The following NAALAD2 variants were observed in gnomAD, a reference collection of about 807,000 sequenced individuals.
The protein encoded by NAALAD2 is N-acetylated alpha-linked acidic dipeptidase 2.
NAALAD2 carries 89 observed loss-of-function variants against 95.6 expected under a neutral mutation model. That is an observed-to-expected ratio of 0.93 (90% CI 0.78 to 1.11). NAALAD2 has a LOEUF of 1.11. NAALAD2 is among the 50% of genes least tolerant of loss of function. The pLI, the probability that NAALAD2 is intolerant of heterozygous loss-of-function variation, is 0.00. For missense variants in NAALAD2, 894 were observed against 872.4 expected (o/e 1.02, Z -0.31); for synonymous variants, 264 against 294.4 (o/e 0.90, Z 1.06).
chr11:90,177,907 G>A lies in NAALAD2; in HGVS notation c.1648G>A (p.Glu550Lys), dbSNP rs769843479. The change falls in exon 16 of 19, where the codon GAA becomes AAA. Residue 550 changes from glutamate (E) to lysine (K), a missense_variant. Physicochemically the swap from Glu to Lys is moderately conservative, Grantham distance 56. Coordinates refer to ENST00000534061, the MANE Select transcript of NAALAD2 (RefSeq NM_005467.4). ...GTACCACACAATTTATGAGACATTT[G>A]AATTGGTAGAGAAATTTTATGACCC... is the stretch of plus-strand genomic sequence containing the variant. ...PVYHTIYETFELVEKFYDPTF... is the reference protein window; with the variant it reads ...PVYHTIYETFKLVEKFYDPTF... The A allele has an allele frequency of 5.6e-6, 9 of 1,613,332 alleles. No individual in the cohort carries two copies. The East Asian group carries it at 2.0e-4, about 36-fold the overall frequency.
chr11:90,159,593 C>T (rs995421702), intron 8 of NAALAD2, among the ~76,000 whole-genome samples: 2 of 152,188 alleles, frequency 1.3e-5, no homozygotes, highest in Admixed American at 6.5e-5. Context: ...TTTCAAAATT[C>T]TCTCTTCAGC....
At chr11:90,165,252 G>A (rs529254337) in intron 11 of NAALAD2, among the ~76,000 whole-genome samples, 1 of 152,172 alleles carries the variant, frequency 6.6e-6, no homozygotes, top group African/African-American at 2.4e-5. Flanking sequence ...TCATGTCTTT[G>A]CTATTATGAA....
chr11:90,171,347 A>G (rs1263705413), intron 13 of NAALAD2, among the ~76,000 whole-genome samples: 1 of 152,178 alleles, frequency 6.6e-6, no homozygotes, highest in Non-Finnish European at 1.5e-5. Context: ...CTAGTTTTCC[A>G]AATGAAACTC....
intron 15 of NAALAD2, among the ~76,000 whole-genome samples, chr11:90,177,257 G>A (rs1027001071): frequency 4.6e-5 from 7 of 151,646 alleles, no homozygotes; most frequent in Non-Finnish European, 2.9e-5. Context: ...GTTTGAGAAG[G>A]AAGGGAAGTT....
chr11:90,140,287 G>A (rs34926828), intron 2 of NAALAD2, among the ~76,000 whole-genome samples: 10 of 151,984 alleles, frequency 6.6e-5, no homozygotes, highest in Non-Finnish European at 1.2e-4. Context: ...GTATCTTTAT[G>A]TTTGTTTACA....
chr11:90,187,396 C>T (rs1231184156), intron 18 of NAALAD2, among the ~76,000 whole-genome samples: 1 of 152,114 alleles, frequency 6.6e-6, no homozygotes. Flanking sequence ...GAACTATTAG[C>T]TGAATGTTAA....
chr11:90,172,701 T>C (rs1353492878), intron 13 of NAALAD2, among the ~76,000 whole-genome samples: 1 of 152,192 alleles, frequency 6.6e-6, no homozygotes, highest in Admixed American at 6.5e-5. Flanking sequence ...TTAGATTTCA[T>C]TGTGAGGTCC....
In NAALAD2 at chr11:90,158,208, T is replaced by C. The variant is rs1952180409; in HGVS notation, c.860T>C (p.Ile287Thr). 1 of 1,609,962 alleles carries C rather than the reference T, an allele frequency of 6.2e-7. No individual in the cohort carries two copies. Among genetic ancestry groups the C allele is most frequent in the Non-Finnish European group, 8.5e-7 (1 of 1,176,946 alleles). The change falls in exon 7 of 19, where the codon ATT (isoleucine) becomes ACT (threonine). Residue 287 changes from isoleucine (I) to threonine (T), a missense_variant. Coordinates refer to ENST00000534061, the MANE Select transcript of NAALAD2 (RefSeq NM_005467.4). ...ATCCCCCGAATACCTGTACATCCCATTGGATATAATGATGCAGAAATATTA... is the reference window on the plus strand; with the variant it reads ...ATCCCCCGAATACCTGTACATCCCACTGGATATAATGATGCAGAAATATTA... The part of the protein sequence containing the change: ...VGIPRIPVHP[I>T]GYNDAEILLR...
rs117126925 is a variant in NAALAD2, at chr11:90,139,813, C to A, written c.194+4143C>A. 8.0e-3 allele frequency among the ~76,000 whole-genome samples: 1,206 copies of A among 150,894 alleles called. 10 individuals are homozygous for A. Among genetic ancestry groups the A allele is most frequent in the Non-Finnish European group, 0.015 (987 of 67,844 alleles). On this transcript the variant is annotated intron_variant, in intron 2 of 18. Transcript: ENST00000534061. ...AATTTGCAAAAGAACAAAGTTTTCA[C>A]ATTTGCAGGCATAGCTGCCATGACA...
intron 18 of NAALAD2, 32 bp from the exon 19 acceptor site, chr11:90,191,526 T>C (rs1409135614): frequency 4.7e-6 from 7 of 1,490,276 alleles, no homozygotes; most frequent in Admixed American, 2.2e-5. Flanking sequence ...GTATACACTT[T>C]AGTTCAATTT....
intron 18 of NAALAD2, among the ~76,000 whole-genome samples, chr11:90,187,843 C>T (rs923243136): frequency 1.3e-5 from 2 of 152,104 alleles, no homozygotes; most frequent in African/African-American, 4.8e-5. Context: ...TTAGACTAAT[C>T]TGATGTATGT....
chr11:90,180,679 G>A (rs1337155484), intron 16 of NAALAD2, among the ~76,000 whole-genome samples: 1 of 151,930 alleles, frequency 6.6e-6, no homozygotes, highest in African/African-American at 2.4e-5. Flanking sequence ...AATAATGTAT[G>A]TTTAAAGTCC....
At chr11:90,175,576 T>C (rs1019698306) in intron 14 of NAALAD2, among the ~76,000 whole-genome samples, 1 of 152,146 alleles carries the variant, frequency 6.6e-6, no homozygotes, top group African/African-American at 2.4e-5. Context: ...GCAGTTTTCT[T>C]ACTAGATGAT....
intron 6 of NAALAD2, among the ~76,000 whole-genome samples, chr11:90,155,373 T>A (rs542150146): frequency 7.6e-5 from 6 of 78,614 alleles, no homozygotes; most frequent in Admixed American, 2.1e-4. Context: ...ATATGTAATA[T>A]TACATATTAT....
At chr11:90,146,705 C>T (rs1266454151) in intron 2 of NAALAD2, among the ~76,000 whole-genome samples, 2 of 152,078 alleles carry the variant, frequency 1.3e-5, no homozygotes, top group Non-Finnish European at 2.9e-5. Flanking sequence ...TAAAATAAAT[C>T]TCACTAAGAA....
intron 11 of NAALAD2, among the ~76,000 whole-genome samples, chr11:90,164,635 G>C (rs1276075354): frequency 1.3e-5 from 2 of 152,006 alleles, no homozygotes; most frequent in African/African-American, 4.8e-5. Context: ...CTTTACAGTA[G>C]CTATGTGATT....
Position 90,191,725 on chromosome 11 carries a change from G to A in NAALAD2, c.2201G>A (p.Gly734Glu). ...IAAFTIQAAAGTLKEVL is the reference protein window; with the variant it reads ...IAAFTIQAAAETLKEVL ...GCTTTTACAATTCAAGCAGCAGCAGGAACTCTGAAAGAAGTATTATAGAAG... is the reference window on the plus strand; with the variant it reads ...GCTTTTACAATTCAAGCAGCAGCAGAAACTCTGAAAGAAGTATTATAGAAG... Residue 734 changes from glycine (G) to glutamate (E), a missense_variant, in exon 19 of 19, where the codon GGA (glycine) becomes GAA (glutamate). Coordinates refer to ENST00000534061, the MANE Select transcript of NAALAD2 (RefSeq NM_005467.4). 1 of 1,588,148 alleles carries A rather than the reference G, an allele frequency of 6.3e-7. No homozygotes were observed. The highest frequency in any genetic ancestry group is 8.6e-7 in the Non-Finnish European group (1 of 1,168,192).
At chr11:90,150,674 A>G (rs1179233112) in intron 5 of NAALAD2, 67 bp downstream of exon 5, 40 of 1,314,876 alleles carry the variant, frequency 3.0e-5, no homozygotes, top group Non-Finnish European at 1.6e-5. Flanking sequence ...GTAAATGACC[A>G]ACTTGCTTCT....
At position 90,154,934 on chromosome 11, in the gene NAALAD2, C is replaced by CATAAT. The variant is rs71472283; in HGVS notation, c.796+2453_796+2454insATATA. On this transcript the variant is annotated intron_variant, in intron 6 of 18. Transcript: ENST00000534061. The stretch of plus-strand genomic sequence containing the variant: ...CATATGTATATATTATATACGTATA[C>CATAAT]ATATGTATATATTATATACGTATAC... Among the ~76,000 whole-genome samples the CATAAT allele has an allele frequency of 6.9e-3, 360 of 52,206 alleles. 14 individuals are homozygous for CATAAT. The highest frequency in any genetic ancestry group is 0.035 in the East Asian group (66 of 1,898). The allele number at this position is 52,206 out of a possible 152,430, so 34.2% of individuals were successfully genotyped here.
Sources: gnomAD v4.1 joint callset for allele counts (sites outside exome capture counted in the v4.1 genomes callset) on GRCh38, gnomAD v4.1.1 for gene constraint, MANE v1.5 for transcripts, NCBI Gene and HGNC (gene_info 2026-07-23, HGNC 2026-07-21) for gene names.